Variants in RSU1 observed in about 807,000 individuals in gnomAD.
The protein encoded by RSU1 is Ras suppressor protein 1.
Under a neutral mutation model 31.1 loss-of-function variants are expected in RSU1, and 26 were observed. The ratio of observed to expected loss-of-function variants is 0.84; its 90% CI spans 0.61 to 1.16. The LOEUF (loss-of-function observed/expected upper bound fraction) is 1.16, where lower values mean the gene tolerates loss of function less well. RSU1 is among the 50% of genes most tolerant of loss of function. RSU1 has a pLI of 0.00. For synonymous variants in RSU1, 164 were observed against 136.3 expected, an observed-to-expected ratio of 1.20 and a Z score of -1.41; for missense variants, 320 against 339.1, an observed-to-expected ratio of 0.94 and a Z score of 0.44.
At chr10:16,690,081 T>C (rs1464317812) in intron 8 of RSU1, among the ~76,000 whole-genome samples, 3 of 152,134 alleles carry the variant, frequency 2.0e-5, no homozygotes, top group Non-Finnish European at 2.9e-5. Flanking sequence ...AAAGTGTGAG[T>C]TACCCCCTTT....
intron 8 of RSU1, among the ~76,000 whole-genome samples, chr10:16,636,973 C>G (rs1346240208): frequency 6.6e-6 from 1 of 152,218 alleles, no homozygotes; most frequent in African/African-American, 2.4e-5. Flanking sequence ...TATTTTATTC[C>G]CTTTTGTAAG....
At chr10:16,794,485 T>C (rs1456175345) in intron 2 of RSU1, among the ~76,000 whole-genome samples, 1 of 152,236 alleles carries the variant, frequency 6.6e-6, no homozygotes, top group African/African-American at 2.4e-5. Context: ...ATTGACTAAT[T>C]TTTCTAGCAT....
At chr10:16,730,523 CCAGCTGACCCCA>C (rs1272159074) in intron 7 of RSU1, among the ~76,000 whole-genome samples, 14 of 152,122 alleles carry the variant, frequency 9.2e-5, no homozygotes, top group African/African-American at 3.4e-4. Context: ...AGCCAACCCC[CCAGCTGACCCCA>C]CATTCAGGAG....
intron 8 of RSU1, among the ~76,000 whole-genome samples, chr10:16,612,173 A>G (rs999457213): frequency 6.6e-6 from 1 of 152,238 alleles, no homozygotes; most frequent in Non-Finnish European, 1.5e-5. Flanking sequence ...TAGAGTTGCA[A>G]TATGCCTTAT....
chr10:16,669,337 T>A (rs1835060938), intron 8 of RSU1, among the ~76,000 whole-genome samples: 1 of 152,038 alleles, frequency 6.6e-6, no homozygotes, highest in South Asian at 2.1e-4. Flanking sequence ...ATTTCTGTTG[T>A]ATTGTCTTCT....
chr10:16,669,697 T>C (rs1372162923), intron 8 of RSU1, among the ~76,000 whole-genome samples: 2 of 152,202 alleles, frequency 1.3e-5, no homozygotes, highest in Non-Finnish European at 2.9e-5. Context: ...TCTGTTCCTG[T>C]GTTAGTTTGC....
At chr10:16,808,340 C>G (rs1404275844) in intron 2 of RSU1, among the ~76,000 whole-genome samples, 1 of 152,066 alleles carries the variant, frequency 6.6e-6, no homozygotes, top group Middle Eastern at 3.4e-3. Context: ...AAAAATTCGC[C>G]AGGCGTTGTG....
intron 7 of RSU1, among the ~76,000 whole-genome samples, chr10:16,698,547 A>G (rs2131566697): frequency 6.6e-6 from 1 of 152,286 alleles, no homozygotes. Context: ...GAAGGAGAAT[A>G]ATGCCAAGAA....
At chr10:16,647,843 T>A (rs2131510856) in intron 8 of RSU1, among the ~76,000 whole-genome samples, 1 of 152,308 alleles carries the variant, frequency 6.6e-6, no homozygotes, top group South Asian at 2.1e-4. Context: ...TCAATAAAGC[T>A]ATTTAAAAAA....
At chr10:16,715,659 G>A (rs1250272924) in intron 7 of RSU1, among the ~76,000 whole-genome samples, 2 of 152,146 alleles carry the variant, frequency 1.3e-5, no homozygotes, top group African/African-American at 2.4e-5. Flanking sequence ...TATTCCATTG[G>A]TCAATATATC....
intron 7 of RSU1, among the ~76,000 whole-genome samples, chr10:16,707,749 T>C (rs1004156518): frequency 2.6e-4 from 39 of 152,304 alleles, no homozygotes; most frequent in African/African-American, 8.9e-4. Flanking sequence ...GTTTTGCTTT[T>C]GTTGCCTGCT....
At chr10:16,695,996 GT>G (rs906141050) in intron 7 of RSU1, among the ~76,000 whole-genome samples, 4 of 150,810 alleles carry the variant, frequency 2.7e-5, no homozygotes, top group Admixed American at 6.6e-5. Context: ...CCAGTTGACT[GT>G]TTTTTTTTCT....
intron 8 of RSU1, among the ~76,000 whole-genome samples, chr10:16,627,723 C>G (rs1405208411): frequency 4.0e-5 from 6 of 149,782 alleles, no homozygotes; most frequent in East Asian, 1.9e-4. Context: ...CGCCATTGCC[C>G]TCCGGCCTGG....
At chr10:16,757,209 A>T (rs886175207) in intron 4 of RSU1, among the ~76,000 whole-genome samples, 4 of 151,994 alleles carry the variant, frequency 2.6e-5, no homozygotes, top group Admixed American at 6.6e-5. Context: ...ATTTTTCTTA[A>T]CGCAGTTCCC....
At chr10:16,595,377 C>G (rs117207210) in intron 8 of RSU1, among the ~76,000 whole-genome samples, 1 of 152,142 alleles carries the variant, frequency 6.6e-6, no homozygotes, top group Non-Finnish European at 1.5e-5. Context: ...CCAAGTGTTG[C>G]CTTGGAGGCG....
rs1835792225 is a variant in RSU1 at position 16,701,511 on chromosome 10, A to C, written c.599-6356T>G. 3.9e-5 allele frequency among the ~76,000 whole-genome samples: 6 copies of C among 152,334 alleles called. No individual in the cohort carries two copies. In the South Asian group the frequency reaches 1.0e-3, roughly 26 times the overall value. On this transcript the variant is annotated intron_variant, in intron 7 of 8. Transcript: ENST00000345264. ...GCCTTTCCAGCAACACATTTTTAAA[A>C]GAGGCATTCTGTACATTTAATGCAT...
chr10:16,626,276 C>G (rs1253601370), intron 8 of RSU1, among the ~76,000 whole-genome samples: 1 of 151,882 alleles, frequency 6.6e-6, no homozygotes, highest in Non-Finnish European at 1.5e-5. Context: ...GTCTTGAACT[C>G]CTGGGATCAA....
chr10:16,748,528 C>T (rs796170347), intron 7 of RSU1, among the ~76,000 whole-genome samples: 8 of 152,304 alleles, frequency 5.3e-5, no homozygotes, highest in African/African-American at 1.9e-4. Context: ...CAAATTCTCA[C>T]ATTCTGGTGA....
At chr10:16,761,382 C>T (rs1436121394) in intron 4 of RSU1, among the ~76,000 whole-genome samples, 1 of 152,196 alleles carries the variant, frequency 6.6e-6, no homozygotes, top group Non-Finnish European at 1.5e-5. Flanking sequence ...GCAGCTAGAA[C>T]AATGCCTGGT....
Sources: gnomAD v4.1 joint callset for allele counts (sites outside exome capture counted in the v4.1 genomes callset) on GRCh38, gnomAD v4.1.1 for gene constraint, MANE v1.5 for transcripts, NCBI Gene and HGNC (gene_info 2026-07-23, HGNC 2026-07-21) for gene names.